The following PACSIN1 variants were observed in gnomAD, a reference collection of about 807,000 sequenced individuals.
PACSIN1 encodes protein kinase C and casein kinase substrate in neurons 1, also known as protein kinase C and casein kinase substrate in neurons protein 1.
A neutral mutation model predicts 59.5 loss-of-function variants in PACSIN1; 15 were observed. That is an observed-to-expected ratio of 0.25 (90% CI 0.17 to 0.39). The LOEUF is 0.39. PACSIN1 is among the 10% of genes least tolerant of loss of function. The pLI is 1.00. For missense variants in PACSIN1, 420 were observed against 580.2 expected (o/e 0.72, Z 2.84); for synonymous variants, 210 against 220.6 (o/e 0.95, Z 0.42).
At chr6:34,481,493 A>AC (rs202157830) in intron 1 of PACSIN1, among the ~76,000 whole-genome samples, 1,688 of 151,922 alleles carry the variant, frequency 0.011, 45 homozygotes, top group East Asian at 0.094. Context: ...CAACAATGAA[A>AC]CCCATCTCTA....
Position 34,531,743 on chromosome 6 carries a change from A to G in PACSIN1, c.1181A>G (p.Tyr394Cys), listed in dbSNP as rs1327365728. The G allele has an allele frequency of 6.3e-7, 1 of 1,592,138 alleles. No homozygotes were observed. Among genetic ancestry groups the G allele is most frequent in the Non-Finnish European group, 8.6e-7 (1 of 1,167,050 alleles). ...DSKGVRVRAL[Y>C]DYDGQEQDEL... ...AAGGGAGTGCGCGTGCGGGCACTCTACGACTATGACGGCCAGGAGCAGGAC... is the reference window on the plus strand; with the variant it reads ...AAGGGAGTGCGCGTGCGGGCACTCTGCGACTATGACGGCCAGGAGCAGGAC... The change falls in exon 9 of 10, where the codon TAC (tyrosine) becomes TGC (cysteine). Residue 394 changes from tyrosine to cysteine, a missense_variant. Physicochemically the swap from Tyr to Cys is radical, Grantham distance 194. Transcript: ENST00000244458. The surrounding 1 kb of genome is among the most constrained non-coding windows in gnomAD (Gnocchi z 4.4).
At chr6:34,519,516 G>A (rs1042835206) in intron 1 of PACSIN1, among the ~76,000 whole-genome samples, 4 of 152,124 alleles carry the variant, frequency 2.6e-5, no homozygotes, top group African/African-American at 7.2e-5. Flanking sequence ...CCCAGGTGAG[G>A]CCCAACAGTC....
rs557262844 is a variant in PACSIN1 at position 34,515,982 on chromosome 6, C to T, written c.-63-10261C>T. ...GCTGGAGGGGGCCCACAGGAGTTCA[C>T]GGTGGGGCACACCTGGTCCAGTTTT... On this transcript the variant is annotated intron_variant, in intron 1 of 9. Transcript: ENST00000244458. The surrounding 1 kb of genome is among the most constrained non-coding windows in gnomAD (Gnocchi z 4.4). Among the ~76,000 whole-genome samples, 3 of 152,144 alleles carry T rather than the reference C, an allele frequency of 2.0e-5. No homozygotes were observed. Among genetic ancestry groups the T allele is most frequent in the African/African-American group, 7.2e-5 (3 of 41,508 alleles).
intron 1 of PACSIN1, among the ~76,000 whole-genome samples, chr6:34,504,623 A>C (rs182700637): frequency 2.1e-4 from 32 of 152,262 alleles, no homozygotes; most frequent in African/African-American, 7.0e-4. Context: ...ACCCTCAAAC[A>C]TAATTTGGAA....
intron 1 of PACSIN1, among the ~76,000 whole-genome samples, chr6:34,509,659 G>A (rs1317304938): frequency 6.6e-6 from 1 of 151,880 alleles, no homozygotes; most frequent in Non-Finnish European, 1.5e-5. Context: ...GAGTAGTATG[G>A]ATATTTTAAG....
rs1464444365 is a variant in PACSIN1, at chr6:34,530,674, T to C, written c.1037+87T>C. On this transcript the variant is annotated intron_variant, in intron 8 of 9. Coordinates refer to ENST00000244458, the MANE Select transcript of PACSIN1 (RefSeq NM_020804.5). This position sits in a 1 kb window ranked among gnomAD's most constrained non-coding sequence, Gnocchi z 4.4. ...TTTTGCTTCAGAAGACAAGAAATGGTCTAGATCATAGCAACTATGTCTCCT... is the reference window on the plus strand; with the variant it reads ...TTTTGCTTCAGAAGACAAGAAATGGCCTAGATCATAGCAACTATGTCTCCT... 19 of 1,335,772 alleles carry C rather than the reference T, an allele frequency of 1.4e-5. No individual in the cohort carries two copies. The Admixed American group carries it at 5.3e-4, about 37-fold the overall frequency. The allele number at this position is 1,335,772 out of a possible 1,614,324, so 82.7% of individuals were successfully genotyped here. A position where few individuals can be genotyped will look rare whatever the true frequency, so the allele number is the denominator to read the frequency against.
chr6:34,493,768 A>C (rs1317048520), intron 1 of PACSIN1, among the ~76,000 whole-genome samples: 2 of 152,162 alleles, frequency 1.3e-5, no homozygotes, highest in Non-Finnish European at 2.9e-5. Flanking sequence ...GACACATTAG[A>C]GTATTATCAG....
rs1767670781 is a variant in PACSIN1 at position 34,535,080 on chromosome 6, C to A, written c.*2550C>A. On this transcript the variant is annotated 3_prime_UTR_variant, in exon 10 of 10. Transcript: ENST00000244458. ...CTTCCTGACTCCATTAGTTCCGACA[C>A]TTGTGAAACTCCGAGAAGTGCTGTG... 6.6e-6 allele frequency: 1 copy of A among 152,524 alleles called. No homozygotes were observed. The highest frequency in any genetic ancestry group is 1.5e-5 in the Non-Finnish European group (1 of 68,054). 9.4% of individuals were successfully genotyped at this position (152,524 alleles called of 1,614,324 possible).
At chr6:34,483,114 C>T (rs1373489035) in intron 1 of PACSIN1, among the ~76,000 whole-genome samples, 1 of 151,532 alleles carries the variant, frequency 6.6e-6, no homozygotes, top group Non-Finnish European at 1.5e-5. Flanking sequence ...AAGTGATCCT[C>T]CCACCTCAGC....
chr6:34,512,570 G>A (rs1191597393), intron 1 of PACSIN1, among the ~76,000 whole-genome samples: 6 of 152,288 alleles, frequency 3.9e-5, no homozygotes, highest in South Asian at 2.1e-4. Context: ...CCTGGCCTAG[G>A]CCTTGACCTG....
intron 1 of PACSIN1, among the ~76,000 whole-genome samples, chr6:34,498,303 A>G (rs1048086460): frequency 1.3e-5 from 2 of 151,754 alleles, no homozygotes; most frequent in African/African-American, 2.4e-5. Context: ...CTTGTGATCC[A>G]CCCGCTTCAG....
chr6:34,527,303 G>T, intron 2 of PACSIN1, 29 bp from the exon 3 acceptor site: 1 of 1,503,442 alleles, frequency 6.7e-7, no homozygotes, highest in Non-Finnish European at 8.9e-7. Flanking sequence ...GGGAACCCGC[G>T]GGAGTGGTGC....
rs1767338156 is a variant in PACSIN1 at position 34,518,850 on chromosome 6, G to A, written c.-63-7393G>A. On this transcript the variant is annotated intron_variant, in intron 1 of 9. Transcript: ENST00000244458. The surrounding 1 kb of genome is among the most constrained non-coding windows in gnomAD (Gnocchi z 4.4). The stretch of plus-strand genomic sequence containing the variant: ...GCTTTTTGCCCATGCTGGAATGTAA[G>A]CTCCATGAGGGAAGGGCTGGTCTTA... 6.6e-6 allele frequency among the ~76,000 whole-genome samples: 1 copy of A among 152,206 alleles called. No homozygotes were observed. Among genetic ancestry groups the A allele is most frequent in the Non-Finnish European group, 1.5e-5 (1 of 68,034 alleles).
rs1279307634 is a variant in PACSIN1 at position 34,521,251 on chromosome 6, G to T, written c.-63-4992G>T. Among the ~76,000 whole-genome samples the T allele has an allele frequency of 1.3e-5, 2 of 152,160 alleles. No homozygotes were observed. The highest frequency in any genetic ancestry group is 2.9e-5 in the Non-Finnish European group (2 of 68,030). On this transcript the variant is annotated intron_variant, in intron 1 of 9. Coordinates refer to ENST00000244458, the MANE Select transcript of PACSIN1 (RefSeq NM_020804.5). The surrounding 1 kb of genome is among the most constrained non-coding windows in gnomAD (Gnocchi z 4.3). ...AATACGGAGAGGACAGGGAGGAGGT[G>T]GGGGCTCAGGACCTGCTGGTGGCTG...
At chr6:34,492,339 G>A (rs2127253482) in intron 1 of PACSIN1, among the ~76,000 whole-genome samples, 1 of 151,128 alleles carries the variant, frequency 6.6e-6, no homozygotes, top group African/African-American at 2.4e-5. Flanking sequence ...CTCCCTAGTA[G>A]CTGTAGCTAC....
chr6:34,494,345 C>T (rs755487857), intron 1 of PACSIN1, among the ~76,000 whole-genome samples: 1 of 152,108 alleles, frequency 6.6e-6, no homozygotes, highest in Non-Finnish European at 1.5e-5. Flanking sequence ...AATGTTAGAC[C>T]AGAGCTTCTC....
At chr6:34,505,500 G>A (rs1767097892) in intron 1 of PACSIN1, among the ~76,000 whole-genome samples, 1 of 148,302 alleles carries the variant, frequency 6.7e-6, no homozygotes, top group African/African-American at 2.5e-5. Context: ...TAGTTCCACA[G>A]GTTCCTGAGG....
intron 1 of PACSIN1, among the ~76,000 whole-genome samples, chr6:34,497,358 A>T (rs889142129): frequency 1.3e-5 from 2 of 152,122 alleles, no homozygotes; most frequent in African/African-American, 4.8e-5. Context: ...GGTACTTTTC[A>T]TGCCTTAGCC....
At chr6:34,473,351 C>T (rs778516883) in intron 1 of PACSIN1, among the ~76,000 whole-genome samples, 1 of 152,100 alleles carries the variant, frequency 6.6e-6, no homozygotes, top group Non-Finnish European at 1.5e-5. Context: ...GGACATGGGT[C>T]GTGAGGCTGG....
Sources: gnomAD v4.1 joint callset for allele counts (sites outside exome capture counted in the v4.1 genomes callset) on GRCh38, gnomAD v4.1.1 for gene constraint, Gnocchi (gnomAD v3.1) non-coding constraint, MANE v1.5 for transcripts, NCBI Gene and HGNC (gene_info 2026-07-23, HGNC 2026-07-21) for gene names.